MYO5A: variants seen among roughly 807,000 people sequenced by gnomAD.
MYO5A encodes unconventional myosin-Va.
In MYO5A, 98 loss-of-function variants were observed where a neutral mutation model predicts 249.7. That is an observed-to-expected ratio of 0.39 (90% CI 0.33 to 0.46). The LOEUF (loss-of-function observed/expected upper bound fraction) is 0.46, where lower values mean the gene tolerates loss of function less well. MYO5A is among the 20% of genes least tolerant of loss of function. The pLI, the probability that MYO5A is intolerant of heterozygous loss-of-function variation, is 0.98. For missense variants in MYO5A, 1,696 were observed against 2,308.8 expected, an observed-to-expected ratio of 0.73 and a Z score of 5.44; for synonymous variants, 778 against 810.6, an observed-to-expected ratio of 0.96 and a Z score of 0.68.
At chr15:52,521,060 G>A (rs191811790) in intron 1 of MYO5A, among the ~76,000 whole-genome samples, 2 of 151,776 alleles carry the variant, frequency 1.3e-5, no homozygotes, top group Admixed American at 6.6e-5. Context: ...AAACCCCATC[G>A]CTACTAAAAA....
At chr15:52,517,624 T>C (rs1395623477) in intron 1 of MYO5A, among the ~76,000 whole-genome samples, 2 of 152,174 alleles carry the variant, frequency 1.3e-5, no homozygotes, top group Non-Finnish European at 2.9e-5. Flanking sequence ...GGCAGAGGTA[T>C]TACTTGAACC....
chr15:52,421,259 G>A (rs1266553952), intron 4 of MYO5A, among the ~76,000 whole-genome samples: 1 of 152,126 alleles, frequency 6.6e-6, no homozygotes, highest in East Asian at 1.9e-4. Context: ...CACACCCTGA[G>A]ACCACATAAC....
intron 40 of MYO5A, among the ~76,000 whole-genome samples, chr15:52,315,890 T>C (rs2037983050): frequency 6.6e-6 from 1 of 152,084 alleles, no homozygotes; most frequent in Admixed American, 6.6e-5. Context: ...TGAGTTTTAA[T>C]TGTATTGGGC....
In MYO5A at chr15:52,396,613, GT is replaced by G. The variant is rs150608659; in HGVS notation, c.1320-217del. ...GCCATGCAGCAGAGAGGTTTTTTTTGTTTTTTTTTTCCAAAGGCCCCAGCAT... is the reference window on the plus strand; with the variant it reads ...GCCATGCAGCAGAGAGGTTTTTTTTGTTTTTTTTTCCAAAGGCCCCAGCAT... On this transcript the variant is annotated intron_variant, in intron 10 of 41. Coordinates refer to ENST00000399233, the MANE Select transcript of MYO5A (RefSeq NM_001382347.1). Among the ~76,000 whole-genome samples the G allele has an allele frequency of 0.023, 3,377 of 148,050 alleles. 87 individuals are homozygous for G. Among genetic ancestry groups the G allele is most frequent in the African/African-American group, 0.066 (2,658 of 40,580 alleles).
intron 1 of MYO5A, among the ~76,000 whole-genome samples, chr15:52,477,928 C>G (rs2076631738): frequency 6.6e-6 from 1 of 152,218 alleles, no homozygotes; most frequent in Non-Finnish European, 1.5e-5. Flanking sequence ...AACCACTACT[C>G]TCTTGAAAGC....
intron 1 of MYO5A, among the ~76,000 whole-genome samples, chr15:52,446,090 C>G (rs1788562486): frequency 6.6e-6 from 1 of 152,236 alleles, no homozygotes; most frequent in African/African-American, 2.4e-5. Context: ...GAGACAAGTG[C>G]TAACAGCCAA....
intron 1 of MYO5A, among the ~76,000 whole-genome samples, chr15:52,478,050 T>TG (rs1349359428): frequency 1.3e-5 from 2 of 152,208 alleles, no homozygotes; most frequent in Non-Finnish European, 2.9e-5. Flanking sequence ...TGAGCTGCGG[T>TG]GGGCTCCACC....
chr15:52,528,838 G>A lies in MYO5A; in HGVS notation c.-32C>T, dbSNP rs775842352. The A allele has an allele frequency of 2.7e-6, 4 of 1,466,218 alleles. No individual in the cohort carries two copies. In the South Asian group the frequency reaches 3.9e-5, roughly 14 times the overall value. The allele number at this position is 1,466,218 out of a possible 1,614,324, so 90.8% of individuals were successfully genotyped here. The stretch of plus-strand genomic sequence containing the variant: ...CCCCGCGCGCCTACGCCCCCCGCCT[G>A]TGCGGAGGCCGCACCTCGCCTGGGC... On this transcript the variant is annotated 5_prime_UTR_variant, in exon 1 of 42. Coordinates refer to ENST00000399233, the MANE Select transcript of MYO5A (RefSeq NM_001382347.1).
At chr15:52,509,260 T>C (rs993596814) in intron 1 of MYO5A, among the ~76,000 whole-genome samples, 2 of 152,114 alleles carry the variant, frequency 1.3e-5, no homozygotes, top group Non-Finnish European at 2.9e-5. Context: ...GCATTAGACC[T>C]AGCACCTGGC....
At chr15:52,478,458 G>A (rs914145199) in intron 1 of MYO5A, among the ~76,000 whole-genome samples, 13 of 152,084 alleles carry the variant, frequency 8.5e-5, no homozygotes, top group Admixed American at 4.6e-4. Context: ...AGATGAACCC[G>A]GTACCTCAGT....
chr15:52,510,243 C>G (rs939044062), intron 1 of MYO5A, among the ~76,000 whole-genome samples: 2 of 152,202 alleles, frequency 1.3e-5, no homozygotes, highest in Admixed American at 1.3e-4. Context: ...AAGCCATTTT[C>G]AAGCTGGAAT....
rs1210219681 is a variant in MYO5A, at chr15:52,360,079, A to G, written c.3312T>C (p.His1104=). Reference sequence around the variant, plus strand: ...TTCTCTTGTGTCCAGGCTTAGGCACATGCTGCAAGGCAAATAACCCAGGTA... The same window carrying G: ...TTCTCTTGTGTCCAGGCTTAGGCACGTGCTGCAAGGCAAATAACCCAGGTA... ...DLKEEMTLMV[H]VPKPGHKRTD... is the part of the protein sequence containing the mutation. Residue 1104 remains histidine, a splice_region_variant and synonymous_variant, in exon 25 of 42, where the codon CAT becomes CAC. Transcript: ENST00000399233. The G allele has an allele frequency of 3.1e-6, 5 of 1,606,494 alleles. No individual in the cohort carries two copies. Among genetic ancestry groups the G allele is most frequent in the Middle Eastern group, 1.7e-4 (1 of 6,050 alleles).
intron 1 of MYO5A, among the ~76,000 whole-genome samples, chr15:52,476,951 T>C (rs571350933): frequency 1.3e-5 from 2 of 152,362 alleles, no homozygotes; most frequent in South Asian, 4.1e-4. Context: ...CCTTGCTAGG[T>C]TGGGGAAGTT....
chr15:52,495,853 T>A (rs1323665667), intron 1 of MYO5A, among the ~76,000 whole-genome samples: 1 of 152,090 alleles, frequency 6.6e-6, no homozygotes, highest in Non-Finnish European at 1.5e-5. Context: ...TGTTATACAG[T>A]TTCCAAGTTC....
rs2037786155 is a variant in MYO5A, at chr15:52,311,888, A to T, written c.*1808T>A. 6.6e-6 allele frequency: 1 copy of T among 152,510 alleles called. No homozygotes were observed. The highest frequency in any genetic ancestry group is 2.4e-5 in the African/African-American group (1 of 41,398). The allele number at this position is 152,510 out of a possible 1,614,324, so 9.4% of individuals were successfully genotyped here. On this transcript the variant is annotated 3_prime_UTR_variant, in exon 42 of 42. Transcript: ENST00000399233. ...TTATCTTTTAATAACAATCTTTATC[A>T]CTGATATGAAGCTGTTTGACTTCCA... is the stretch of plus-strand genomic sequence containing the variant.
At chr15:52,399,531 C>T (rs1000946987) in intron 9 of MYO5A, among the ~76,000 whole-genome samples, 13 of 152,132 alleles carry the variant, frequency 8.5e-5, no homozygotes, top group Non-Finnish European at 1.5e-4. Context: ...TTGTTCAATA[C>T]GTGCACAGTG....
At chr15:52,319,406 C>T in intron 38 of MYO5A, 64 bp from the exon 39 acceptor site, 1 of 1,484,684 alleles carries the variant, frequency 6.7e-7, no homozygotes, top group Admixed American at 1.7e-5. Context: ...GTGCACATAT[C>T]CATGTGCACA....
chr15:52,440,272 CTTTT>C (rs202124249), intron 1 of MYO5A, among the ~76,000 whole-genome samples: 1 of 145,636 alleles, frequency 6.9e-6, no homozygotes, highest in Non-Finnish European at 1.5e-5. Context: ...TTTTCTTTTT[CTTTT>C]TTTTTTTCTG....
intron 9 of MYO5A, among the ~76,000 whole-genome samples, chr15:52,402,608 G>A (rs1284677017): frequency 6.6e-6 from 1 of 152,164 alleles, no homozygotes; most frequent in East Asian, 1.9e-4. Flanking sequence ...ACTTTAGGAG[G>A]CCAAGGCAGG....
Sources: allele counts gnomAD v4.1 joint callset (sites outside exome capture counted in the v4.1 genomes callset), GRCh38; gene constraint gnomAD v4.1.1; transcripts MANE v1.5; gene names NCBI Gene and HGNC (gene_info 2026-07-23, HGNC 2026-07-21).